Variants in DIP2A observed in about 807,000 individuals in gnomAD.
The protein encoded by DIP2A is disco-interacting protein 2 homolog A.
Under a neutral mutation model 177.4 loss-of-function variants are expected in DIP2A, and 85 were observed. The observed-to-expected ratio is 0.48, with a 90% CI of 0.40 to 0.57. The LOEUF is 0.57. Ranked by LOEUF, DIP2A falls within the 20% of genes least tolerant of loss-of-function variation. The pLI, the probability that DIP2A is intolerant of heterozygous loss-of-function variation, is 0.00. For missense variants in DIP2A, 1,791 were observed against 2,100.2 expected (o/e 0.85, Z 2.88); for synonymous variants, 886 against 881.8 (o/e 1.00, Z -0.08).
intron 8 of DIP2A, among the ~76,000 whole-genome samples, chr21:46,511,946 T>C (rs2058332557): frequency 6.6e-6 from 1 of 152,288 alleles, no homozygotes. Context: ...GGTTCCATAC[T>C]ATGTTTTTTT....
intron 1 of DIP2A, among the ~76,000 whole-genome samples, chr21:46,459,998 C>CT (rs1303333408): frequency 2.6e-5 from 4 of 152,084 alleles, no homozygotes; most frequent in Non-Finnish European, 5.9e-5. Flanking sequence ...CCGCAGGCAG[C>CT]TACTTCCCTT....
At position 46,563,999 on chromosome 21, in the gene DIP2A, T is replaced by C; in HGVS notation, c.4164+67T>C. ...CACCAGCTTCACCTTCCTTCCCTTT[T>C]TGCTTCAGATTTTGGAATTCTAAAC... On this transcript the variant is annotated intron_variant, in intron 35 of 37. Transcript: ENST00000417564. The surrounding 1 kb of genome is among the most constrained non-coding windows in gnomAD (Gnocchi z 4.3). The C allele has an allele frequency of 6.5e-7, 1 of 1,549,770 alleles. No homozygotes were observed.
chr21:46,498,211 G>A lies in DIP2A; in HGVS notation c.404-371G>A, dbSNP rs2057459573. Reference sequence around the variant, plus strand: ...CCCTGGGTGATGCTGACTGATGTGTGGATATGGTGTCCGACTCTGTGGACA... The same window carrying A: ...CCCTGGGTGATGCTGACTGATGTGTAGATATGGTGTCCGACTCTGTGGACA... On this transcript the variant is annotated intron_variant, in intron 4 of 37. Transcript: ENST00000417564. The surrounding 1 kb of genome is among the most constrained non-coding windows in gnomAD (Gnocchi z 4.3). Among the ~76,000 whole-genome samples the A allele has an allele frequency of 1.3e-5, 2 of 152,118 alleles. No homozygotes were observed. Among genetic ancestry groups the A allele is most frequent in the African/African-American group, 4.8e-5 (2 of 41,428 alleles).
In DIP2A at chr21:46,556,387, A is replaced by C; in HGVS notation, c.3498+296A>C. 3 of 1,374,740 alleles carry C rather than the reference A, an allele frequency of 2.2e-6. No individual in the cohort carries two copies. Among genetic ancestry groups the C allele is most frequent in the Non-Finnish European group, 2.9e-6 (3 of 1,034,940 alleles). 85.2% of individuals were successfully genotyped at this position (1,374,740 alleles called of 1,614,324 possible). A position where few individuals can be genotyped will look rare whatever the true frequency, so the allele number is the denominator to read the frequency against. On this transcript the variant is annotated intron_variant, in intron 29 of 37. Coordinates refer to ENST00000417564, the MANE Select transcript of DIP2A (RefSeq NM_015151.4). This position sits in a 1 kb window ranked among gnomAD's most constrained non-coding sequence, Gnocchi z 4.5. ...TTACCTTGCTGGGAGTCAATAGCTC[A>C]ATTAAAATTTTTCAGGCGGGGCGTG... is the stretch of plus-strand genomic sequence containing the variant.
rs775601186 is a variant in DIP2A at position 46,558,255 on chromosome 21, G to A, written c.3831G>A (p.Thr1277=). 2.5e-6 allele frequency: 4 copies of A among 1,612,712 alleles called. No homozygotes were observed. The highest frequency in any genetic ancestry group is 2.2e-5 in the South Asian group (2 of 90,910). The change falls in exon 32 of 38, where the codon ACG becomes ACA. Residue 1277 remains threonine, a synonymous_variant. Coordinates refer to ENST00000417564, the MANE Select transcript of DIP2A (RefSeq NM_015151.4). The stretch of plus-strand genomic sequence containing the variant: ...GGGTGAACCTGTCATGTGTGCGCAC[G>A]TGCATGGTGGTCGCCGAGGAGCGGC... ...MKGVNLSCVR[T]CMVVAEERPR...
chr21:46,508,324 G>A (rs1184196059), intron 6 of DIP2A, among the ~76,000 whole-genome samples: 1 of 147,844 alleles, frequency 6.8e-6, no homozygotes, highest in East Asian at 2.0e-4. Context: ...GATTACAGCT[G>A]TGAGCCACTG....
At chr21:46,508,291 G>A (rs1297146758) in intron 6 of DIP2A, among the ~76,000 whole-genome samples, 1 of 150,220 alleles carries the variant, frequency 6.7e-6, no homozygotes, top group Non-Finnish European at 1.5e-5. Context: ...ATCCTCTCCT[G>A]CCTTAGCTAA....
At chr21:46,469,690 G>A (rs918941299) in intron 1 of DIP2A, among the ~76,000 whole-genome samples, 1 of 152,180 alleles carries the variant, frequency 6.6e-6, no homozygotes, top group African/African-American at 2.4e-5. Flanking sequence ...TTGTCTCAAG[G>A]ACTCCTCATT....
rs1002686238 is a variant in DIP2A at position 46,550,433 on chromosome 21, A to G, written c.2638-110A>G. On this transcript the variant is annotated intron_variant, in intron 22 of 37. Transcript: ENST00000417564. ...TAACAAAGTGTCCAGAGGGCATTCC[A>G]TTTCCTGGCCTGGGGAACAGGTCCA... 5.7e-6 allele frequency: 6 copies of G among 1,061,430 alleles called. No homozygotes were observed. In the East Asian group the frequency reaches 1.6e-4, roughly 28 times the overall value. The allele number at this position is 1,061,430 out of a possible 1,614,324, so 65.8% of individuals were successfully genotyped here.
intron 20 of DIP2A, 53 bp from the exon 21 acceptor site, chr21:46,546,862 C>T: frequency 1.2e-6 from 2 of 1,601,320 alleles, no homozygotes; most frequent in Non-Finnish European, 1.7e-6. Flanking sequence ...GGTCCTGGCG[C>T]ATCCAGCTTC....
rs925538937 is a variant in DIP2A at position 46,532,379 on chromosome 21, C to T, written c.1305+142C>T. ...AGAAAGCTAGTAGTCAACAGGCTGGCCAGGACTCAAGAGAAATCAGATGCC... is the reference window on the plus strand; with the variant it reads ...AGAAAGCTAGTAGTCAACAGGCTGGTCAGGACTCAAGAGAAATCAGATGCC... On this transcript the variant is annotated intron_variant, in intron 10 of 37. Coordinates refer to ENST00000417564, the MANE Select transcript of DIP2A (RefSeq NM_015151.4). 21 of 664,796 alleles carry T rather than the reference C, an allele frequency of 3.2e-5. No individual in the cohort carries two copies. In the African/African-American group the frequency reaches 3.3e-4, roughly 10 times the overall value. 41.2% of individuals were successfully genotyped at this position (664,796 alleles called of 1,614,324 possible).
intron 1 of DIP2A, among the ~76,000 whole-genome samples, chr21:46,470,440 C>T (rs2055253577): frequency 1.4e-5 from 2 of 147,926 alleles, no homozygotes; most frequent in Admixed American, 1.4e-4. Context: ...TGCCATTGCA[C>T]TCCAGTCTGG....
chr21:46,490,780 C>T, intron 3 of DIP2A, 61 bp downstream of exon 3: 2 of 1,476,244 alleles, frequency 1.4e-6, no homozygotes, highest in South Asian at 2.7e-5. Context: ...GGACTCTTGC[C>T]ATGAAGTCTT....
chr21:46,551,434 C>T (rs958112959), intron 23 of DIP2A, among the ~76,000 whole-genome samples, 200 bp from the exon 24 acceptor site: 2 of 151,588 alleles, frequency 1.3e-5, no homozygotes, highest in African/African-American at 2.4e-5. Flanking sequence ...CTCAATAAGG[C>T]GTAGTTTATG....
At chr21:46,562,044 G>A (rs567396992) in intron 34 of DIP2A, among the ~76,000 whole-genome samples, 9 of 152,174 alleles carry the variant, frequency 5.9e-5, no homozygotes, top group Non-Finnish European at 1.2e-4. Context: ...AAGTTCAGGT[G>A]CAGGAATAAA....
In DIP2A at chr21:46,539,798, A is replaced by AGGTGG. The variant is rs2059733082; in HGVS notation, c.1922-79_1922-78insGGTGG. ...GGTTCCGATGGCCGCAGGCTGCGCT[A>AGGTGG]ACTTGAGCATGTCCAGCCACCCCTT... is the stretch of plus-strand genomic sequence containing the variant. On this transcript the variant is annotated intron_variant, in intron 16 of 37. Transcript: ENST00000417564. 8.2e-6 allele frequency: 10 copies of AGGTGG among 1,215,492 alleles called. No homozygotes were observed. The African/African-American group carries it at 1.3e-4, about 16-fold the overall frequency. 75.3% of individuals were successfully genotyped at this position (1,215,492 alleles called of 1,614,324 possible).
chr21:46,480,382 CTCCCACTGGGTCCCTCCCA>C (rs1455523969), intron 1 of DIP2A, among the ~76,000 whole-genome samples: 1 of 152,202 alleles, frequency 6.6e-6, no homozygotes, highest in African/African-American at 2.4e-5. Context: ...ATTCAGTTAC[CTCCCACTGGGTCCCTCCCA>C]TGACACGTGG....
At chr21:46,517,177 A>T (rs112143467) in intron 8 of DIP2A, among the ~76,000 whole-genome samples, 1 of 142,096 alleles carries the variant, frequency 7.0e-6, no homozygotes, top group African/African-American at 2.6e-5. Flanking sequence ...TCCTCCCACC[A>T]CAGCCTCCTG....
intron 16 of DIP2A, chr21:46,538,808 C>G: frequency 1.5e-6 from 1 of 679,600 alleles, no homozygotes. Flanking sequence ...AATTTAAAAG[C>G]AATTTTAATA....
Sources: allele counts gnomAD v4.1 joint callset (sites outside exome capture counted in the v4.1 genomes callset), GRCh38; gene constraint gnomAD v4.1.1; non-coding constraint Gnocchi (gnomAD v3.1); transcripts MANE v1.5; gene names NCBI Gene and HGNC (gene_info 2026-07-23, HGNC 2026-07-21).